Variants in MYO1H observed in about 807,000 individuals in gnomAD.
The protein encoded by MYO1H is unconventional myosin-Ih.
MYO1H carries 118 observed loss-of-function variants against 149.3 expected under a neutral mutation model. The ratio of observed to expected loss-of-function variants is 0.79; its 90% CI spans 0.68 to 0.92. The LOEUF (loss-of-function observed/expected upper bound fraction) is 0.92, where lower values mean the gene tolerates loss of function less well. MYO1H is among the 40% of genes least tolerant of loss of function. The pLI is 0.00. For synonymous variants in MYO1H, 447 were observed against 465.2 expected, an observed-to-expected ratio of 0.96 and a Z score of 0.50; for missense variants, 1,212 against 1,280.7, an observed-to-expected ratio of 0.95 and a Z score of 0.82.
At chr12:109,374,497 C>G (rs1869051349) in intron 1 of MYO1H, among the ~76,000 whole-genome samples, 1 of 152,162 alleles carries the variant, frequency 6.6e-6, no homozygotes, top group African/African-American at 2.4e-5. Context: ...TACCACTGTG[C>G]AATCATAATA....
At chr12:109,311,203 C>T in the MYO1H span, among the ~76,000 whole-genome samples, 1 of 152,134 alleles carries the variant, frequency 6.6e-6, no homozygotes, top group Admixed American at 6.5e-5. Context: ...AAAAGGCATC[C>T]AGTCTGTGAG....
At chr12:109,350,544 C>G (rs779517076) in intron 1 of MYO1H, among the ~76,000 whole-genome samples, 8 of 152,226 alleles carry the variant, frequency 5.3e-5, no homozygotes, top group Non-Finnish European at 1.0e-4. Flanking sequence ...CCACGTGGAA[C>G]TGTGAGTGCA....
chr12:109,432,947 C>G (rs772428585), exon 20 of MYO1H: 3 of 1,614,018 alleles, frequency 1.9e-6, no homozygotes, highest in Non-Finnish European at 2.5e-6. Context: ...GGGCCTCCAG[C>G]AGAGGGCGTG....
chr12:109,351,102 A>G (rs1395524551), intron 1 of MYO1H, among the ~76,000 whole-genome samples: 3 of 152,206 alleles, frequency 2.0e-5, no homozygotes, highest in African/African-American at 7.2e-5. Flanking sequence ...TCACTAGAAG[A>G]TGGGTGAAGT....
intron 10 of MYO1H, among the ~76,000 whole-genome samples, chr12:109,408,311 A>G (rs1004967261): frequency 1.4e-4 from 22 of 151,906 alleles, no homozygotes; most frequent in Admixed American, 3.3e-4. Flanking sequence ...AGCTGGAACT[A>G]CAGTTGCATA....
chr12:109,443,631 G>C, exon 28 of MYO1H: 2 of 1,613,314 alleles, frequency 1.2e-6, no homozygotes, highest in Non-Finnish European at 1.7e-6. Flanking sequence ...GCAGAAAATA[G>C]AGTACTCAGC....
At chr12:109,392,293 C>T (rs991685499) in intron 2 of MYO1H, among the ~76,000 whole-genome samples, 1 of 152,226 alleles carries the variant, frequency 6.6e-6, no homozygotes, top group African/African-American at 2.4e-5. Context: ...TGCCCTCACT[C>T]GGGCTTCAAC....
At chr12:109,410,597 GA>G (rs78125930) in intron 12 of MYO1H, 90 bp from the exon 13 acceptor site, 2 of 777,556 alleles carry the variant, frequency 2.6e-6, no homozygotes, top group Middle Eastern at 2.4e-4. Flanking sequence ...ACTAGATTTT[GA>G]AAAAAGATGT....
chr12:109,359,105 C>T (rs552062030), intron 1 of MYO1H, among the ~76,000 whole-genome samples: 1 of 152,138 alleles, frequency 6.6e-6, no homozygotes, highest in South Asian at 2.1e-4. Context: ...CAGGAGGTGG[C>T]CGGGGAGCTG....
exon 32 of MYO1H, chr12:109,448,053 A>T (rs1385940044): frequency 6.6e-6 from 1 of 152,204 alleles, no homozygotes; most frequent in African/African-American, 2.4e-5. Context: ...GACCACCATC[A>T]CTTACCGATT....
rs16940178 is a variant in MYO1H, at chr12:109,390,389, C to A, written c.174+1545C>A. ...ACTTTAGTGCATCCTGTATTTGAAA[C>A]AGCTACACACTGAGAATCTGAGAAT... On this transcript the variant is annotated intron_variant, in intron 2 of 31. Transcript: ENST00000310903. 9.6e-3 allele frequency among the ~76,000 whole-genome samples: 1,460 copies of A among 151,862 alleles called. 20 individuals carry two copies. Among genetic ancestry groups the A allele is most frequent in the African/African-American group, 0.033 (1,371 of 41,442 alleles).
chr12:109,398,311 G>A (rs1870006150), intron 5 of MYO1H, among the ~76,000 whole-genome samples: 1 of 152,354 alleles, frequency 6.6e-6, no homozygotes, highest in Admixed American at 6.5e-5. Flanking sequence ...ATCGACAGGA[G>A]AACGACTACA....
chr12:109,443,114 GTA>G lies in MYO1H; in HGVS notation c.2689-396_2689-395del, dbSNP rs762250854. Among the ~76,000 whole-genome samples the G allele has an allele frequency of 1.1e-3, 14 of 12,238 alleles. 5 individuals carry two copies. The highest frequency in any genetic ancestry group is 6.8e-3 in the African/African-American group (14 of 2,074). 8.0% of individuals were successfully genotyped at this position (12,238 alleles called of 152,430 possible). On this transcript the variant is annotated intron_variant, in intron 27 of 31. Transcript: ENST00000310903. ...TGTATATATGTGTACGTATATGTGT[GTA>G]TATGTGTACGTATATATGTGTGTAT...
the MYO1H span, among the ~76,000 whole-genome samples, chr12:109,324,897 GT>G: frequency 2.2e-4 from 34 of 152,138 alleles, no homozygotes; most frequent in Non-Finnish European, 1.0e-4. Context: ...ACAGGCCCTG[GT>G]GTATGATGTT....
chr12:109,327,940 A>G, the MYO1H span, among the ~76,000 whole-genome samples: 1 of 151,766 alleles, frequency 6.6e-6, no homozygotes, highest in African/African-American at 2.4e-5. Flanking sequence ...CTTTCTATGC[A>G]TCAACTCTTT....
chr12:109,423,308 G>A (rs1433935433), intron 16 of MYO1H, among the ~76,000 whole-genome samples: 3 of 152,080 alleles, frequency 2.0e-5, no homozygotes, highest in African/African-American at 4.8e-5. Context: ...ACAGGCATAT[G>A]CCACCACACC....
intron 9 of MYO1H, 93 bp from the exon 10 acceptor site, chr12:109,407,701 A>C: frequency 7.5e-7 from 1 of 1,325,528 alleles, no homozygotes; most frequent in African/African-American, 1.5e-5. Flanking sequence ...CTGTCTCATT[A>C]TTTTATTTTT....
At chr12:109,404,046 T>C in exon 7 of MYO1H, 1 of 1,613,692 alleles carries the variant, frequency 6.2e-7, no homozygotes, top group Non-Finnish European at 8.5e-7. Context: ...TCCAACGCCT[T>C]TTCTGTCATT....
intron 1 of MYO1H, among the ~76,000 whole-genome samples, chr12:109,352,417 G>T (rs189610582): frequency 6.6e-6 from 1 of 152,092 alleles, no homozygotes; most frequent in East Asian, 1.9e-4. Context: ...TGTCTCCATG[G>T]TCATAGAAAC....
Sources: gnomAD v4.1 joint callset for allele counts (sites outside exome capture counted in the v4.1 genomes callset) on GRCh38, gnomAD v4.1.1 for gene constraint, MANE v1.5 for transcripts, NCBI Gene and HGNC (gene_info 2026-07-23, HGNC 2026-07-21) for gene names.